SSH1: variants seen among roughly 807,000 people sequenced by gnomAD.
SSH1 encodes the protein slingshot protein phosphatase 1.
Under a neutral mutation model 79.7 loss-of-function variants are expected in SSH1, and 43 were observed. That is an observed-to-expected ratio of 0.54 (90% confidence interval 0.42 to 0.70). SSH1 has a LOEUF of 0.70. Ranked by LOEUF, SSH1 falls within the 30% of genes least tolerant of loss-of-function variation. The pLI is 0.00. For missense variants in SSH1, 1,206 were observed against 1,358.8 expected, an observed-to-expected ratio of 0.89 and a Z score of 1.77; for synonymous variants, 599 against 538.3, an observed-to-expected ratio of 1.11 and a Z score of -1.56.
Position 108,857,486 on chromosome 12 carries a change from AC to A in SSH1, c.10del (p.Val4Ter). 3 of 1,139,064 alleles carry A rather than the reference AC, an allele frequency of 2.6e-6. No individual in the cohort carries two copies. Among genetic ancestry groups the A allele is most frequent in the South Asian group, 1.7e-5 (1 of 57,940 alleles). The allele number at this position is 1,139,064 out of a possible 1,614,324, so 70.6% of individuals were successfully genotyped here. A position where few individuals can be genotyped will look rare whatever the true frequency, so the allele number is the denominator to read the frequency against. The part of the protein sequence containing the change: MAL[V>X]TLQRSPTPSA... ...GGGCGTGGGCGAGCGCTGCAGGGTCACCAGGGCCATGGCTGCGGCGCGGTGC... is the reference window on the plus strand; with the variant it reads ...GGGCGTGGGCGAGCGCTGCAGGGTCACAGGGCCATGGCTGCGGCGCGGTGC... On this transcript the variant is annotated frameshift_variant, in exon 1 of 15. Coordinates refer to ENST00000326495, the MANE Select transcript of SSH1 (RefSeq NM_018984.4). LOFTEE classifies it high-confidence loss of function. The surrounding 1 kb of genome is among the most constrained non-coding windows in gnomAD (Gnocchi z 4.7).
chr12:108,847,856 A>G (rs1430194578), intron 2 of SSH1, among the ~76,000 whole-genome samples: 1 of 152,206 alleles, frequency 6.6e-6, no homozygotes, highest in Non-Finnish European at 1.5e-5. Flanking sequence ...ACAGACCTGC[A>G]TTGTAAGGCG....
intron 2 of SSH1, 58 bp downstream of exon 2, chr12:108,852,580 A>G: frequency 3.7e-6 from 6 of 1,600,310 alleles, no homozygotes; most frequent in Non-Finnish European, 5.1e-6. Context: ...GAGGAACAAG[A>G]GCATTCCTTA....
intron 11 of SSH1, among the ~76,000 whole-genome samples, chr12:108,801,206 A>G (rs1411835545): frequency 6.6e-6 from 1 of 152,212 alleles, no homozygotes; most frequent in South Asian, 2.1e-4. Flanking sequence ...AAAATTAAAT[A>G]TACGTATTAC....
chr12:108,853,631 A>G (rs1005816763), intron 1 of SSH1, among the ~76,000 whole-genome samples: 6 of 152,184 alleles, frequency 3.9e-5, no homozygotes, highest in African/African-American at 1.2e-4. Flanking sequence ...TCAACCAAGA[A>G]TGAGTACACC....
chr12:108,794,932 ATC>A (rs1330750019), intron 13 of SSH1, among the ~76,000 whole-genome samples: 1 of 152,196 alleles, frequency 6.6e-6, no homozygotes, highest in Non-Finnish European at 1.5e-5. Flanking sequence ...ACAAATGCAT[ATC>A]TGATTGTTTC....
chr12:108,794,360 C>T (rs2088637543), intron 13 of SSH1, among the ~76,000 whole-genome samples: 1 of 152,214 alleles, frequency 6.6e-6, no homozygotes, highest in Admixed American at 6.5e-5. Flanking sequence ...TTTTTGCACA[C>T]AGCACCCTGA....
Position 108,793,761 on chromosome 12 carries a change from C to T in SSH1, c.1350-932G>A, listed in dbSNP as rs149327499. Among the ~76,000 whole-genome samples the T allele has an allele frequency of 3.3e-3, 495 of 152,286 alleles. 2 individuals are homozygous for T. Among genetic ancestry groups the T allele is most frequent in the African/African-American group, 0.011 (469 of 41,562 alleles). On this transcript the variant is annotated intron_variant, in intron 13 of 14. Coordinates refer to ENST00000326495, the MANE Select transcript of SSH1 (RefSeq NM_018984.4). Reference sequence around the variant, plus strand: ...TTACGGTGAAATAAGGTAACTAAGTCACCCTCAAGGACCTTAAAGTAATAC... The same window carrying T: ...TTACGGTGAAATAAGGTAACTAAGTTACCCTCAAGGACCTTAAAGTAATAC...
At chr12:108,851,847 G>A (rs1375729367) in intron 2 of SSH1, among the ~76,000 whole-genome samples, 4 of 152,070 alleles carry the variant, frequency 2.6e-5, no homozygotes, top group African/African-American at 7.2e-5. Context: ...GAAAAAGTGA[G>A]GGCAGAGTGT....
chr12:108,841,893 C>A (rs1038075312), intron 2 of SSH1, among the ~76,000 whole-genome samples: 8 of 152,028 alleles, frequency 5.3e-5, no homozygotes, highest in African/African-American at 1.9e-4. Context: ...CCTGGAATCC[C>A]AGCACTTTGG....
intron 2 of SSH1, among the ~76,000 whole-genome samples, chr12:108,847,126 G>A (rs560249145): frequency 6.6e-6 from 1 of 152,186 alleles, no homozygotes; most frequent in East Asian, 1.9e-4. Flanking sequence ...CTCAAACTAC[G>A]GGGCTCAAGC....
chr12:108,857,533 G>A lies in SSH1; in HGVS notation c.-37C>T, dbSNP rs1295821883. 9.5e-6 allele frequency: 10 copies of A among 1,057,158 alleles called. No homozygotes were observed. The highest frequency in any genetic ancestry group is 1.1e-4 in the East Asian group (1 of 9,510). 65.5% of individuals were successfully genotyped at this position (1,057,158 alleles called of 1,614,324 possible). On this transcript the variant is annotated 5_prime_UTR_variant, in exon 1 of 15. Coordinates refer to ENST00000326495, the MANE Select transcript of SSH1 (RefSeq NM_018984.4). The surrounding 1 kb of genome is among the most constrained non-coding windows in gnomAD (Gnocchi z 4.7). The stretch of plus-strand genomic sequence containing the variant: ...GGTGCGAGGGCGCCACAGACGTCTC[G>A]AGCTAGAGCCGCCACCGCCACCGCC...
chr12:108,847,595 T>C (rs2038926926), intron 2 of SSH1, among the ~76,000 whole-genome samples: 2 of 152,030 alleles, frequency 1.3e-5, no homozygotes, highest in Admixed American at 6.6e-5. Context: ...GTAGCTGGGA[T>C]TACAGGAGCG....
intron 2 of SSH1, among the ~76,000 whole-genome samples, chr12:108,829,130 C>T (rs2038409122): frequency 6.6e-6 from 1 of 152,112 alleles, no homozygotes; most frequent in Non-Finnish European, 1.5e-5. Flanking sequence ...GAGTTCGAGA[C>T]TAGCATGGTC....
At chr12:108,836,921 G>A (rs546765856) in intron 2 of SSH1, 7 of 533,314 alleles carry the variant, frequency 1.3e-5, no homozygotes, top group South Asian at 9.8e-5. Context: ...CAAACTGACA[G>A]TACTGGGCAC....
chr12:108,827,514 T>G, intron 2 of SSH1: 2 of 1,285,464 alleles, frequency 1.6e-6, no homozygotes, highest in Non-Finnish European at 2.0e-6. Flanking sequence ...ATGGCTCTTG[T>G]GGAACTCTTG....
At chr12:108,804,591 G>T (rs1407662283) in intron 10 of SSH1, among the ~76,000 whole-genome samples, 7 of 152,236 alleles carry the variant, frequency 4.6e-5, no homozygotes, top group Admixed American at 4.6e-4. Flanking sequence ...CTCAGCGGGA[G>T]CTCCGTGTCA....
rs1042550364 is a variant in SSH1, at chr12:108,778,507, C to G, written c.*9481G>C. 2 of 152,210 alleles carry G rather than the reference C, an allele frequency of 1.3e-5. No individual in the cohort carries two copies. Among genetic ancestry groups the G allele is most frequent in the African/African-American group, 4.8e-5 (2 of 41,466 alleles). The allele number at this position is 152,210 out of a possible 1,614,324, so 9.4% of individuals were successfully genotyped here. On this transcript the variant is annotated 3_prime_UTR_variant, in exon 15 of 15. Coordinates refer to ENST00000326495, the MANE Select transcript of SSH1 (RefSeq NM_018984.4). Reference sequence around the variant, plus strand: ...CCTCTCTGAGCATCCACTGCTTCCTCTGTAAAACAGAATCATATCTGCGGT... The same window carrying G: ...CCTCTCTGAGCATCCACTGCTTCCTGTGTAAAACAGAATCATATCTGCGGT...
At chr12:108,811,429 C>A (rs182343189) in intron 5 of SSH1, 101 bp from the exon 6 acceptor site, 2 of 1,018,836 alleles carry the variant, frequency 2.0e-6, no homozygotes, top group South Asian at 1.3e-5. Context: ...GTTGGACGTA[C>A]GTGTGGGAGT....
Position 108,784,756 on chromosome 12 carries a change from A to T in SSH1, c.*3232T>A, listed in dbSNP as rs2036224922. ...GTGAAGATGTAGAAAAGTTCAGTCT[A>T]ACTTTTGGCATGCCACATGAATTAA... is the stretch of plus-strand genomic sequence containing the variant. On this transcript the variant is annotated 3_prime_UTR_variant, in exon 15 of 15. Transcript: ENST00000326495. 6.6e-6 allele frequency: 1 copy of T among 152,240 alleles called. No homozygotes were observed. Among genetic ancestry groups the T allele is most frequent in the Non-Finnish European group, 1.5e-5 (1 of 68,046 alleles). 9.4% of individuals were successfully genotyped at this position (152,240 alleles called of 1,614,324 possible).
Sources: allele counts gnomAD v4.1 joint callset (sites outside exome capture counted in the v4.1 genomes callset), GRCh38; gene constraint gnomAD v4.1.1; non-coding constraint Gnocchi (gnomAD v3.1); transcripts MANE v1.5; gene names NCBI Gene and HGNC (gene_info 2026-07-23, HGNC 2026-07-21).